Variants in SLC2A13 observed in about 807,000 individuals in gnomAD.
SLC2A13 encodes the protein solute carrier family 2 member 13.
In SLC2A13, 32 loss-of-function variants were observed where a neutral mutation model predicts 64.4. That is an observed-to-expected ratio of 0.50 (90% CI 0.37 to 0.67). The LOEUF (loss-of-function observed/expected upper bound fraction) is 0.67, where lower values mean the gene tolerates loss of function less well. Among genes scored for constraint, SLC2A13 ranks in the 30% least tolerant of loss-of-function variants. The pLI, the probability that SLC2A13 is intolerant of heterozygous loss-of-function variation, is 0.00. For synonymous variants in SLC2A13, 338 were observed against 327.1 expected (o/e 1.03, Z -0.36); for missense variants, 743 against 829.2 (o/e 0.90, Z 1.28).
chr12:40,024,274 A>C (rs1947769079), intron 3 of SLC2A13, among the ~76,000 whole-genome samples: 2 of 152,230 alleles, frequency 1.3e-5, no homozygotes, highest in African/African-American at 2.4e-5. Flanking sequence ...GTCCCTACTA[A>C]TTTAACACTT....
chr12:39,972,209 ATTG>A (rs955252414), intron 3 of SLC2A13, among the ~76,000 whole-genome samples: 55 of 150,632 alleles, frequency 3.7e-4, no homozygotes, highest in African/African-American at 1.3e-3. Context: ...CTGATGGTCA[ATTG>A]TTATCTCTAA....
chr12:39,820,775 A>ATATATATATATC (rs1942481026), intron 7 of SLC2A13, among the ~76,000 whole-genome samples: 2 of 50,380 alleles, frequency 4.0e-5, no homozygotes, highest in Non-Finnish European at 7.7e-5. Context: ...ATATATATAT[A>ATATATATATATC]TAAAGCAACA....
chr12:39,849,819 C>A (rs1195054447), intron 6 of SLC2A13, among the ~76,000 whole-genome samples: 1 of 152,100 alleles, frequency 6.6e-6, no homozygotes, highest in South Asian at 2.1e-4. Flanking sequence ...AAAATCCTAC[C>A]TTACTTTTTG....
At chr12:40,068,302 T>C (rs988218362) in intron 1 of SLC2A13, 4 of 417,808 alleles carry the variant, frequency 9.6e-6, no homozygotes, top group Admixed American at 5.4e-5. Flanking sequence ...CCTGGATCAA[T>C]GATAGCCAGT....
At chr12:39,985,321 C>T (rs1218876458) in intron 3 of SLC2A13, among the ~76,000 whole-genome samples, 1 of 151,974 alleles carries the variant, frequency 6.6e-6, no homozygotes, top group Non-Finnish European at 1.5e-5. Flanking sequence ...TTTCTCTTTC[C>T]TAAAATTACC....
At chr12:39,891,086 A>C (rs916108939) in intron 4 of SLC2A13, among the ~76,000 whole-genome samples, 1 of 151,068 alleles carries the variant, frequency 6.6e-6, no homozygotes, top group Non-Finnish European at 1.5e-5. Flanking sequence ...TGGACACCTA[A>C]ATCACTAAGA....
chr12:39,906,783 T>C (rs528181304), intron 4 of SLC2A13, among the ~76,000 whole-genome samples: 3 of 152,248 alleles, frequency 2.0e-5, no homozygotes, highest in Non-Finnish European at 4.4e-5. Context: ...CTACGATTAT[T>C]TTAAATTGAA....
chr12:39,894,768 G>A (rs952700992), intron 4 of SLC2A13, among the ~76,000 whole-genome samples: 1 of 151,882 alleles, frequency 6.6e-6, no homozygotes, highest in African/African-American at 2.4e-5. Flanking sequence ...GGCAGCACAA[G>A]AATATAACAG....
chr12:39,831,239 C>G (rs1406863957), intron 6 of SLC2A13, among the ~76,000 whole-genome samples: 1 of 152,044 alleles, frequency 6.6e-6, no homozygotes, highest in Non-Finnish European at 1.5e-5. Context: ...GAACAGGGGC[C>G]CATTCATTTT....
chr12:39,941,924 A>G (rs1163929395), intron 4 of SLC2A13, among the ~76,000 whole-genome samples: 3 of 152,194 alleles, frequency 2.0e-5, no homozygotes, highest in African/African-American at 2.4e-5. Context: ...ATTCTCCTAC[A>G]TGTGGCTAGC....
chr12:39,759,915 C>T lies in SLC2A13; in HGVS notation c.*111G>A. The T allele has an allele frequency of 1.3e-6, 1 of 746,218 alleles. No individual in the cohort carries two copies. Among genetic ancestry groups the T allele is most frequent in the East Asian group, 2.7e-5 (1 of 37,508 alleles). 46.2% of individuals were successfully genotyped at this position (746,218 alleles called of 1,614,324 possible). On this transcript the variant is annotated 3_prime_UTR_variant, in exon 10 of 10. Transcript: ENST00000280871. ...AAGTATTCTAGAATATGAAGTCAATCAAAACTAGGCTGTGGAAAGAACCAG... is the reference window on the plus strand; with the variant it reads ...AAGTATTCTAGAATATGAAGTCAATTAAAACTAGGCTGTGGAAAGAACCAG...
chr12:40,073,585 ACAAATTTCCTTTGTTTAAGCAATTTTCT>A (rs1171910565), intron 1 of SLC2A13, among the ~76,000 whole-genome samples: 3 of 152,052 alleles, frequency 2.0e-5, no homozygotes, highest in South Asian at 2.1e-4. Context: ...TCTACTGGCA[ACAAATTTCCTTTGTTTAAGCAATTTTCT>A]ATTTATCCTT....
intron 7 of SLC2A13, among the ~76,000 whole-genome samples, chr12:39,796,613 C>T (rs1193946890): frequency 6.6e-6 from 1 of 152,022 alleles, no homozygotes. Flanking sequence ...GTATAATACC[C>T]TAGTCACTAC....
chr12:39,997,139 T>C (rs1196037658), intron 3 of SLC2A13, among the ~76,000 whole-genome samples: 1 of 152,114 alleles, frequency 6.6e-6, no homozygotes, highest in Admixed American at 6.5e-5. Context: ...CAAACTATAC[T>C]AGAAGACCAC....
At chr12:39,943,248 G>A (rs1592305046) in intron 4 of SLC2A13, among the ~76,000 whole-genome samples, 1 of 152,224 alleles carries the variant, frequency 6.6e-6, no homozygotes, top group East Asian at 1.9e-4. Flanking sequence ...CCCACTTGAG[G>A]AAGGAGTCTG....
chr12:39,820,459 C>A (rs1942459215), intron 7 of SLC2A13, among the ~76,000 whole-genome samples: 1 of 152,122 alleles, frequency 6.6e-6, no homozygotes, highest in South Asian at 2.1e-4. Flanking sequence ...ACAAACTACA[C>A]AAGTTGTAAA....
intron 7 of SLC2A13, among the ~76,000 whole-genome samples, chr12:39,776,061 T>C (rs1334913637): frequency 1.3e-5 from 2 of 152,190 alleles, no homozygotes; most frequent in Non-Finnish European, 2.9e-5. Flanking sequence ...GAAAGTTTAG[T>C]GACTCATAGA....
In SLC2A13 at chr12:39,759,982, C is replaced by T. The variant is rs1173025172; in HGVS notation, c.*44G>A. 2.0e-6 allele frequency: 3 copies of T among 1,480,822 alleles called. No individual in the cohort carries two copies. Among genetic ancestry groups the T allele is most frequent in the African/African-American group, 1.4e-5 (1 of 72,160 alleles). The allele number at this position is 1,480,822 out of a possible 1,614,324, so 91.7% of individuals were successfully genotyped here. On this transcript the variant is annotated 3_prime_UTR_variant, in exon 10 of 10. Coordinates refer to ENST00000280871, the MANE Select transcript of SLC2A13 (RefSeq NM_052885.4). ...TGAAGTCACCAATTGCTGTTCTTCT[C>T]CCCCCAGTTTGTTTAAATAACTAAA... is the stretch of plus-strand genomic sequence containing the variant.
chr12:39,987,635 C>CT (rs2136160516), intron 3 of SLC2A13, among the ~76,000 whole-genome samples: 1 of 152,176 alleles, frequency 6.6e-6, no homozygotes, highest in East Asian at 1.9e-4. Flanking sequence ...ACTGTTTTTT[C>CT]TTAAAACCAA....
Sources: gnomAD v4.1 joint callset for allele counts (sites outside exome capture counted in the v4.1 genomes callset) on GRCh38, gnomAD v4.1.1 for gene constraint, MANE v1.5 for transcripts, NCBI Gene and HGNC (gene_info 2026-07-23, HGNC 2026-07-21) for gene names.